The following SRC variants were observed in gnomAD, a reference collection of about 807,000 sequenced individuals.
The protein encoded by SRC is SRC proto-oncogene, non-receptor tyrosine kinase.
Under a neutral mutation model 62.9 loss-of-function variants are expected in SRC, and 13 were observed. The observed-to-expected ratio is 0.21, with a 90% CI of 0.13 to 0.33. The LOEUF (loss-of-function observed/expected upper bound fraction) is 0.33. Ranked by LOEUF, SRC falls within the 10% of genes least tolerant of loss-of-function variation. The pLI is 1.00. For missense variants in SRC, 457 were observed against 737.3 expected, an observed-to-expected ratio of 0.62 and a Z score of 4.40; for synonymous variants, 302 against 317.5, an observed-to-expected ratio of 0.95 and a Z score of 0.52.
chr20:37,402,801 C>T lies in SRC; in HGVS notation c.1323C>T (p.Arg441=). 5 of 1,614,050 alleles carry T rather than the reference C, an allele frequency of 3.1e-6. No homozygotes were observed. The highest frequency in any genetic ancestry group is 4.2e-6 in the Non-Finnish European group (5 of 1,179,982). The stretch of plus-strand genomic sequence containing the variant: ...CTCCAGAAGCTGCCCTCTATGGCCG[C>T]TTCACCATCAAGTCGGACGTGTGGT... The part of the protein sequence containing the change: ...WTAPEAALYG[R]FTIKSDVWSF... The change falls in exon 13 of 14, where the codon CGC becomes CGT. Residue 441 remains arginine (R), a synonymous_variant. Coordinates refer to ENST00000373578, the MANE Select transcript of SRC (RefSeq NM_198291.3). The surrounding 1 kb of genome is among the most constrained non-coding windows in gnomAD (Gnocchi z 6.2).
rs1039012057 is a variant in SRC, at chr20:37,397,131, T to C, written c.704-568T>C. On this transcript the variant is annotated intron_variant, in intron 8 of 13. Transcript: ENST00000373578. This position sits in a 1 kb window ranked among gnomAD's most constrained non-coding sequence, Gnocchi z 4.1. ...TAACTGCCTCCCCACCTCCGCCTGG[T>C]GCCACCCTTCCCCACCTGCTCCCTG... 6.6e-6 allele frequency among the ~76,000 whole-genome samples: 1 copy of C among 152,128 alleles called. No homozygotes were observed. Among genetic ancestry groups the C allele is most frequent in the African/African-American group, 2.4e-5 (1 of 41,416 alleles).
rs1206123440 is a variant in SRC, at chr20:37,384,317, C to A, written c.164C>A (p.Ala55Asp). Residue 55 changes from alanine to aspartate, a missense_variant, in exon 4 of 14, where the codon GCC becomes GAC. Physicochemically the swap from Ala to Asp is moderately radical, Grantham distance 126. Around this residue, in one of 4 missense-constraint regions of SRC, gnomAD observed 132 missense variants for 135.4 expected, o/e 0.98. Transcript: ENST00000373578. This position sits in a 1 kb window ranked among gnomAD's most constrained non-coding sequence, Gnocchi z 6.7. The part of the protein sequence containing the change: ...DGHRGPSAAF[A>D]PAAAEPKLFG... The stretch of plus-strand genomic sequence containing the variant: ...CACCGCGGCCCCAGCGCGGCCTTCG[C>A]CCCCGCGGCCGCCGAGCCCAAGCTG... The A allele has an allele frequency of 6.8e-7, 1 of 1,466,260 alleles. No individual in the cohort carries two copies. The highest frequency in any genetic ancestry group is 3.0e-5 in the East Asian group (1 of 32,880). 90.8% of individuals were successfully genotyped at this position (1,466,260 alleles called of 1,614,324 possible). A position where few individuals can be genotyped will look rare whatever the true frequency, so the allele number is the denominator to read the frequency against.
Position 37,398,006 on chromosome 20 carries a change from A to C in SRC, c.859+152A>C, listed in dbSNP as rs2070683943. The C allele has an allele frequency of 9.3e-7, 1 of 1,079,922 alleles. No individual in the cohort carries two copies. Among genetic ancestry groups the C allele is most frequent in the Non-Finnish European group, 1.3e-6 (1 of 772,604 alleles). The allele number at this position is 1,079,922 out of a possible 1,614,324, so 66.9% of individuals were successfully genotyped here. A position where few individuals can be genotyped will look rare whatever the true frequency, so the allele number is the denominator to read the frequency against. On this transcript the variant is annotated intron_variant, in intron 9 of 13. Coordinates refer to ENST00000373578, the MANE Select transcript of SRC (RefSeq NM_198291.3). This position sits in a 1 kb window ranked among gnomAD's most constrained non-coding sequence, Gnocchi z 5.2. Reference sequence around the variant, plus strand: ...AGCTCCCCAGCGGTGGCTGGCACCGAGTTGGGTTGTGGCCACCCAAGCACT... The same window carrying C: ...AGCTCCCCAGCGGTGGCTGGCACCGCGTTGGGTTGTGGCCACCCAAGCACT...
intron 1 of SRC, among the ~76,000 whole-genome samples, chr20:37,364,931 G>T (rs2070038248): frequency 6.6e-6 from 1 of 152,086 alleles, no homozygotes; most frequent in Non-Finnish European, 1.5e-5. Context: ...TGTCCTCGAA[G>T]CCCTTCGCAA....
At position 37,403,406 on chromosome 20, in the gene SRC, C is replaced by T. The variant is rs370284052; in HGVS notation, c.*27C>T. ...CACAGGCGGGCCCAGACCGGCTTCT[C>T]GGCTTGGATCCTGGGCTGGGTGGCC... On this transcript the variant is annotated 3_prime_UTR_variant, in exon 14 of 14. Coordinates refer to ENST00000373578, the MANE Select transcript of SRC (RefSeq NM_198291.3). The surrounding 1 kb of genome is among the most constrained non-coding windows in gnomAD (Gnocchi z 7.1). 49 of 1,543,652 alleles carry T rather than the reference C, an allele frequency of 3.2e-5. No homozygotes were observed. The highest frequency in any genetic ancestry group is 2.1e-4 in the South Asian group (18 of 84,614).
rs1211239883 is a variant in SRC at position 37,369,461 on chromosome 20, C to CA, written c.-173+4186dup. ...TCTTCATTGCCAACCTATAGAAATA[C>CA]AATGTATTTTTGTGTATTGATTTTG... On this transcript the variant is annotated intron_variant, in intron 2 of 13. Coordinates refer to ENST00000373578, the MANE Select transcript of SRC (RefSeq NM_198291.3). 2.6e-5 allele frequency among the ~76,000 whole-genome samples: 4 copies of CA among 152,218 alleles called. No individual in the cohort carries two copies. In the East Asian group the frequency reaches 7.7e-4, roughly 29 times the overall value.
intron 2 of SRC, among the ~76,000 whole-genome samples, chr20:37,379,276 C>T (rs1217166805): frequency 1.3e-5 from 2 of 152,134 alleles, no homozygotes; most frequent in Non-Finnish European, 1.5e-5. Context: ...TTCCCCTTGA[C>T]CCCCGCAAGG....
intron 2 of SRC, among the ~76,000 whole-genome samples, chr20:37,373,272 A>ACACATGTACATACG (rs1568628317): frequency 4.0e-5 from 5 of 124,046 alleles, no homozygotes; most frequent in African/African-American, 6.2e-5. Context: ...ACATACGCAC[A>ACACATGTACATACG]CACACACACA....
At position 37,393,748 on chromosome 20, in the gene SRC, C is replaced by T. The variant is rs534131956; in HGVS notation, c.351-147C>T. 131 of 609,792 alleles carry T rather than the reference C, an allele frequency of 2.1e-4. 2 individuals are homozygous for T. The South Asian group carries it at 2.4e-3, about 11-fold the overall frequency. The allele number at this position is 609,792 out of a possible 1,614,324, so 37.8% of individuals were successfully genotyped here. A position where few individuals can be genotyped will look rare whatever the true frequency, so the allele number is the denominator to read the frequency against. On this transcript the variant is annotated intron_variant, in intron 5 of 13. Transcript: ENST00000373578. ...TTCCAGGCCAGCTGGACCTGGCATG[C>T]TGTGGGGACTCACGCTGGCCCCACC...
rs572591746 is a variant in SRC, at chr20:37,373,102, A to G, written c.-173+7825A>G. ...TATATACATATATAAATACATATAC[A>G]CATATATGTACACACACATATGTAC... On this transcript the variant is annotated intron_variant, in intron 2 of 13. Transcript: ENST00000373578. Among the ~76,000 whole-genome samples the G allele has an allele frequency of 3.4e-4, 46 of 137,176 alleles. No individual in the cohort carries two copies. The Middle Eastern group carries it at 0.011, about 33-fold the overall frequency. 90.0% of individuals were successfully genotyped at this position (137,176 alleles called of 152,430 possible).
chr20:37,384,450 CG>C lies in SRC; in HGVS notation c.250+51del. The C allele has an allele frequency of 8.2e-7, 1 of 1,212,926 alleles. No individual in the cohort carries two copies. The highest frequency in any genetic ancestry group is 2.5e-5 in the South Asian group (1 of 40,696). The allele number at this position is 1,212,926 out of a possible 1,614,324, so 75.1% of individuals were successfully genotyped here. A position where few individuals can be genotyped will look rare whatever the true frequency, so the allele number is the denominator to read the frequency against. On this transcript the variant is annotated intron_variant, in intron 4 of 13. Transcript: ENST00000373578. This position sits in a 1 kb window ranked among gnomAD's most constrained non-coding sequence, Gnocchi z 6.7. ...GGTCCTCGCCCACCTGGGGCCACGG[CG>C]GGGAGGCGGCGGGGCTGTGTGCCCG... is the stretch of plus-strand genomic sequence containing the variant.
chr20:37,354,809 C>T (rs193222269), intron 1 of SRC, among the ~76,000 whole-genome samples: 4 of 152,316 alleles, frequency 2.6e-5, no homozygotes, highest in African/African-American at 9.6e-5. Context: ...GCCGCGTGCC[C>T]CGGGTGGTGG....
intron 2 of SRC, among the ~76,000 whole-genome samples, chr20:37,368,518 C>CTTTTTTTTTTTTTTGTTTTTTTTTTTTG (rs2070102489): frequency 1.4e-5 from 1 of 73,898 alleles, no homozygotes; most frequent in African/African-American, 4.3e-5. Flanking sequence ...CCTATATTTT[C>CTTTTTTTTTTTTTTGTTTTTTTTTTTTG]TTTTTTTTTT....
chr20:37,404,943 C>T lies in SRC; in HGVS notation c.*1564C>T, dbSNP rs2070803604. On this transcript the variant is annotated 3_prime_UTR_variant, in exon 14 of 14. Transcript: ENST00000373578. ...GTCCATATTTAACATGTAAAAATGT[C>T]CCCCCCGCTCCGTCCCCCAAACATG... is the stretch of plus-strand genomic sequence containing the variant. The T allele has an allele frequency of 1.7e-5, 3 of 176,308 alleles. No homozygotes were observed. The highest frequency in any genetic ancestry group is 3.0e-5 in the Non-Finnish European group (3 of 99,708). The allele number at this position is 176,308 out of a possible 1,614,324, so 10.9% of individuals were successfully genotyped here.
In SRC at chr20:37,398,212, C is replaced by A. The variant is rs1232387508; in HGVS notation, c.859+358C>A. Among the ~76,000 whole-genome samples the A allele has an allele frequency of 6.6e-6, 1 of 152,170 alleles. No individual in the cohort carries two copies. The highest frequency in any genetic ancestry group is 6.5e-5 in the Admixed American group (1 of 15,286). ...AGACTGTGGAGACCCTGACCCAGTG[C>A]GTGTCCACACACTAGCTGTTCGCCA... On this transcript the variant is annotated intron_variant, in intron 9 of 13. Coordinates refer to ENST00000373578, the MANE Select transcript of SRC (RefSeq NM_198291.3). This position sits in a 1 kb window ranked among gnomAD's most constrained non-coding sequence, Gnocchi z 5.2.
intron 2 of SRC, among the ~76,000 whole-genome samples, chr20:37,367,273 T>C (rs2070078776): frequency 1.3e-5 from 2 of 149,740 alleles, no homozygotes; most frequent in African/African-American, 2.5e-5. Flanking sequence ...GGAGATGGGG[T>C]CTCACCGTGT....
chr20:37,350,317 C>T (rs2069783650), intron 1 of SRC, among the ~76,000 whole-genome samples: 1 of 152,184 alleles, frequency 6.6e-6, no homozygotes, highest in Admixed American at 6.5e-5. Context: ...ACATTAGGGA[C>T]TCAATCAGTG....
intron 1 of SRC, among the ~76,000 whole-genome samples, chr20:37,349,874 C>T (rs536357425): frequency 9.4e-4 from 143 of 152,360 alleles, no homozygotes; most frequent in Non-Finnish European, 1.2e-3. Flanking sequence ...CCCGCTTCTT[C>T]GAAGCCTGCC....
At position 37,402,092 on chromosome 20, in the gene SRC, G is replaced by A. The variant is rs532513259; in HGVS notation, c.1117-343G>A. On this transcript the variant is annotated intron_variant, in intron 11 of 13. Coordinates refer to ENST00000373578, the MANE Select transcript of SRC (RefSeq NM_198291.3). The surrounding 1 kb of genome is among the most constrained non-coding windows in gnomAD (Gnocchi z 6.2). ...GGACGGATGAGAAAACTGAGGCTCA[G>A]AGAGGGGACTTGGGCAGCAGGCAGG... 1 of 319,556 alleles carries A rather than the reference G, an allele frequency of 3.1e-6. No homozygotes were observed. 19.8% of individuals were successfully genotyped at this position (319,556 alleles called of 1,614,324 possible). A position where few individuals can be genotyped will look rare whatever the true frequency, so the allele number is the denominator to read the frequency against.
Sources: gnomAD v4.1 joint callset for allele counts (sites outside exome capture counted in the v4.1 genomes callset) on GRCh38, gnomAD v4.1.1 for gene constraint, gnomAD v4.1.1 regional missense constraint, Gnocchi (gnomAD v3.1) non-coding constraint, MANE v1.5 for transcripts, NCBI Gene and HGNC (gene_info 2026-07-23, HGNC 2026-07-21) for gene names.